The following DLGAP1 variants were observed in gnomAD, a reference collection of about 807,000 sequenced individuals.
The protein encoded by DLGAP1 is DLG associated protein 1.
In DLGAP1, 11 loss-of-function variants were observed where a neutral mutation model predicts 90.8. The ratio of observed to expected loss-of-function variants is 0.12; its 90% CI spans 0.08 to 0.20. DLGAP1 has a LOEUF of 0.20. Among genes scored for constraint, DLGAP1 ranks in the 10% least tolerant of loss-of-function variants. The pLI, the probability that DLGAP1 is intolerant of heterozygous loss-of-function variation, is 1.00. For synonymous variants in DLGAP1, 558 were observed against 540.7 expected (o/e 1.03, Z -0.44); for missense variants, 1,050 against 1,333.8 (o/e 0.79, Z 3.31).
chr18:4,399,023 G>T (rs533989520), intron 1 of DLGAP1, among the ~76,000 whole-genome samples: 2 of 152,188 alleles, frequency 1.3e-5, no homozygotes, highest in African/African-American at 4.8e-5. Flanking sequence ...GTAGAGAAGG[G>T]TTTTCATCAT....
chr18:4,268,218 T>C (rs957812354), intron 1 of DLGAP1, among the ~76,000 whole-genome samples: 4 of 152,318 alleles, frequency 2.6e-5, no homozygotes, highest in Non-Finnish European at 5.9e-5. Context: ...AAGAAACAAG[T>C]ACAATTCCCT....
chr18:4,155,732 T>C (rs1281207005), intron 1 of DLGAP1, among the ~76,000 whole-genome samples: 2 of 151,974 alleles, frequency 1.3e-5, no homozygotes, highest in Non-Finnish European at 2.9e-5. Flanking sequence ...TGGGGTGCTG[T>C]GGGGAAGTGG....
At chr18:4,145,870 T>C (rs549059063) in intron 2 of DLGAP1, among the ~76,000 whole-genome samples, 10 of 151,696 alleles carry the variant, frequency 6.6e-5, no homozygotes, top group African/African-American at 2.4e-4. Context: ...CAAAACGTAA[T>C]TTGCAAACTT....
At chr18:3,944,915 C>G (rs958366022) in intron 3 of DLGAP1, among the ~76,000 whole-genome samples, 2 of 152,170 alleles carry the variant, frequency 1.3e-5, no homozygotes, top group African/African-American at 2.4e-5. Flanking sequence ...GAATGTGGCT[C>G]TTTTACTAAC....
At chr18:4,003,575 G>A (rs1375185966) in intron 3 of DLGAP1, among the ~76,000 whole-genome samples, 1 of 151,826 alleles carries the variant, frequency 6.6e-6, no homozygotes. Context: ...GAGATAAAAG[G>A]TATTGAATGG....
chr18:4,114,627 G>T (rs1175818386), intron 2 of DLGAP1, among the ~76,000 whole-genome samples: 1 of 151,766 alleles, frequency 6.6e-6, no homozygotes, highest in East Asian at 1.9e-4. Flanking sequence ...GGTTGCTCTG[G>T]GTATGACTTC....
intron 7 of DLGAP1, among the ~76,000 whole-genome samples, chr18:3,599,895 G>T (rs890948629): frequency 6.6e-6 from 1 of 152,042 alleles, no homozygotes; most frequent in African/African-American, 2.4e-5. Context: ...GGGATTACAG[G>T]CGTGAGCCAC....
intron 7 of DLGAP1, among the ~76,000 whole-genome samples, chr18:3,600,472 G>A (rs1158550618): frequency 1.3e-5 from 2 of 151,946 alleles, no homozygotes; most frequent in African/African-American, 4.8e-5. Context: ...CGGACCTCAG[G>A]TGATCCACCT....
At chr18:3,943,950 A>G (rs1203404781) in intron 3 of DLGAP1, among the ~76,000 whole-genome samples, 1 of 152,190 alleles carries the variant, frequency 6.6e-6, no homozygotes, top group East Asian at 1.9e-4. Context: ...GTCTCAGAAC[A>G]ACTCAACCCT....
At chr18:3,518,413 T>C (rs546999392) in intron 10 of DLGAP1, among the ~76,000 whole-genome samples, 1 of 152,262 alleles carries the variant, frequency 6.6e-6, no homozygotes, top group African/African-American at 2.4e-5. Flanking sequence ...ACTTGAAATA[T>C]TGTGAGAATT....
chr18:4,157,710 C>G (rs1437310693), intron 1 of DLGAP1, among the ~76,000 whole-genome samples: 1 of 152,180 alleles, frequency 6.6e-6, no homozygotes, highest in Non-Finnish European at 1.5e-5. Flanking sequence ...TTCTGCGCTG[C>G]CTCATTCATA....
chr18:4,441,880 G>C lies in DLGAP1; in HGVS notation c.-267+13126C>G, dbSNP rs111616319. On this transcript the variant is annotated intron_variant, in intron 1 of 12. Coordinates refer to ENST00000315677, the MANE Select transcript of DLGAP1 (RefSeq NM_004746.4). ...AACCAATTGTCAGGCACTGGGTTAG[G>C]CATCAGCAGAATATAGAGCCTAGCG... is the stretch of plus-strand genomic sequence containing the variant. 4.6e-5 allele frequency among the ~76,000 whole-genome samples: 7 copies of C among 152,322 alleles called. No individual in the cohort carries two copies. In the South Asian group the frequency reaches 1.4e-3, roughly 32 times the overall value.
At position 3,846,043 on chromosome 18, in the gene DLGAP1, G is replaced by GGTGTGTGTGTGTGTGTGT. The variant is rs35460885; in HGVS notation, c.958-31788_958-31771dup. The stretch of plus-strand genomic sequence containing the variant: ...TCCCAGAAAATCTTATTGAAAGTGT[G>GGTGTGTGTGTGTGTGTGT]GTGTGTGTGTGTGTGTGTGTGTGTG... On this transcript the variant is annotated intron_variant, in intron 4 of 12. Transcript: ENST00000315677. 6.2e-4 allele frequency among the ~76,000 whole-genome samples: 90 copies of GGTGTGTGTGTGTGTGTGT among 145,128 alleles called. 1 individual carries two copies. Among genetic ancestry groups the GGTGTGTGTGTGTGTGTGT allele is most frequent in the East Asian group, 4.1e-3 (20 of 4,858 alleles).
intron 1 of DLGAP1, among the ~76,000 whole-genome samples, chr18:4,347,941 C>A (rs1214566314): frequency 6.6e-6 from 1 of 151,634 alleles, no homozygotes; most frequent in Non-Finnish European, 1.5e-5. Context: ...ATTCCCAAAT[C>A]GTAAAATAAT....
chr18:4,221,737 T>C (rs1341406735), intron 1 of DLGAP1, among the ~76,000 whole-genome samples: 1 of 152,202 alleles, frequency 6.6e-6, no homozygotes, highest in African/African-American at 2.4e-5. Flanking sequence ...CTTTACTCTA[T>C]GTTGACTTGT....
rs2049998418 is a variant in DLGAP1 at position 3,502,665 on chromosome 18, A to G, written c.2572-20T>C. ...AGGATTCTGCACAAGAGAAAGAAAAACATTCATGCTTTAGAAGCAATTCTT... is the reference window on the plus strand; with the variant it reads ...AGGATTCTGCACAAGAGAAAGAAAAGCATTCATGCTTTAGAAGCAATTCTT... On this transcript the variant is annotated intron_variant, in intron 11 of 12. Coordinates refer to ENST00000315677, the MANE Select transcript of DLGAP1 (RefSeq NM_004746.4). 1 of 1,592,970 alleles carries G rather than the reference A, an allele frequency of 6.3e-7. No homozygotes were observed. Among genetic ancestry groups the G allele is most frequent in the African/African-American group, 1.4e-5 (1 of 73,564 alleles).
chr18:3,693,642 T>A (rs1026872342), intron 7 of DLGAP1, among the ~76,000 whole-genome samples: 1 of 152,218 alleles, frequency 6.6e-6, no homozygotes, highest in Non-Finnish European at 1.5e-5. Flanking sequence ...CAATTTGGCA[T>A]ATAATTATAC....
At chr18:4,316,496 C>T (rs2080531204) in intron 1 of DLGAP1, among the ~76,000 whole-genome samples, 1 of 152,172 alleles carries the variant, frequency 6.6e-6, no homozygotes, top group African/African-American at 2.4e-5. Flanking sequence ...CACAGTCTTA[C>T]TCAGAGATAT....
In DLGAP1 at chr18:3,496,745, G is replaced by A. The variant is rs1207559233; in HGVS notation, c.*2440C>T. The A allele has an allele frequency of 6.6e-6, 1 of 152,046 alleles. No homozygotes were observed. The highest frequency in any genetic ancestry group is 6.5e-5 in the Admixed American group (1 of 15,268). 9.4% of individuals were successfully genotyped at this position (152,046 alleles called of 1,614,324 possible). A position where few individuals can be genotyped will look rare whatever the true frequency, so the allele number is the denominator to read the frequency against. ...TATGCTCATGAATGTCAGTTTCAGG[G>A]GTCAAGCAGCATTGTGTGGGGTCAT... On this transcript the variant is annotated 3_prime_UTR_variant, in exon 13 of 13. Transcript: ENST00000315677.
Sources: allele counts gnomAD v4.1 joint callset (sites outside exome capture counted in the v4.1 genomes callset), GRCh38; gene constraint gnomAD v4.1.1; transcripts MANE v1.5; gene names NCBI Gene and HGNC (gene_info 2026-07-23, HGNC 2026-07-21).